Variants in ASIC2 observed in about 807,000 individuals in gnomAD.
ASIC2 encodes the protein acid sensing ion channel subunit 2, also known as acid-sensing ion channel 2.
Under a neutral mutation model 57.3 loss-of-function variants are expected in ASIC2, and 25 were observed. The ratio of observed to expected loss-of-function variants is 0.44; its 90% CI spans 0.32 to 0.61. ASIC2 has a LOEUF of 0.61. Ranked by LOEUF, ASIC2 falls within the 20% of genes least tolerant of loss-of-function variation. The probability of loss-of-function intolerance (pLI) is 0.06; values close to 1 mark genes in which losing one functional copy is unlikely to be tolerated. For missense variants in ASIC2, 641 were observed against 738.1 expected (o/e 0.87, Z 1.52); for synonymous variants, 319 against 307.5 (o/e 1.04, Z -0.39).
chr17:33,282,481 G>GTGTGCTTT (rs1904995815), intron 1 of ASIC2, among the ~76,000 whole-genome samples: 1 of 146,664 alleles, frequency 6.8e-6, no homozygotes, highest in African/African-American at 2.5e-5. Flanking sequence ...GTGTGCTTGT[G>GTGTGCTTT]TGTGTGTGTG....
intron 1 of ASIC2, among the ~76,000 whole-genome samples, chr17:33,799,439 T>TTTCTTTCTTCCTTCC (rs1555562527): frequency 3.4e-5 from 2 of 59,048 alleles, no homozygotes; most frequent in African/African-American, 1.2e-4. Context: ...TCTTTCTTTC[T>TTTCTTTCTTCCTTCC]TTCTTTCTTT....
At chr17:33,557,823 T>G (rs1406567355) in intron 1 of ASIC2, among the ~76,000 whole-genome samples, 1 of 152,150 alleles carries the variant, frequency 6.6e-6, no homozygotes, top group Non-Finnish European at 1.5e-5. Flanking sequence ...TTTGAAAACA[T>G]CTACTTATCT....
intron 1 of ASIC2, among the ~76,000 whole-genome samples, chr17:33,395,838 T>C (rs920038907): frequency 6.6e-6 from 1 of 152,054 alleles, no homozygotes; most frequent in Non-Finnish European, 1.5e-5. Context: ...CTTTGGCACT[T>C]ACCAGTTGAC....
intron 1 of ASIC2, among the ~76,000 whole-genome samples, chr17:33,673,072 G>A (rs750267990): frequency 1.3e-5 from 2 of 152,282 alleles, no homozygotes; most frequent in Non-Finnish European, 2.9e-5. Context: ...AAGTTACTCC[G>A]TTTGAGAGAA....
chr17:33,729,749 G>T (rs76634831), intron 1 of ASIC2, among the ~76,000 whole-genome samples: 2 of 152,146 alleles, frequency 1.3e-5, no homozygotes, highest in African/African-American at 4.8e-5. Flanking sequence ...TGTGTAAAGC[G>T]CCTGGGATAA....
intron 1 of ASIC2, among the ~76,000 whole-genome samples, chr17:33,479,560 G>A (rs1428354303): frequency 1.3e-5 from 2 of 152,192 alleles, no homozygotes; most frequent in Non-Finnish European, 2.9e-5. Context: ...TGGAGGAATT[G>A]CAGGGAACAC....
rs548203324 is a variant in ASIC2, at chr17:33,148,264, C to T, written c.709-36197G>A. On this transcript the variant is annotated intron_variant, in intron 1 of 9. Coordinates refer to ENST00000225823, the MANE Select transcript of ASIC2 (RefSeq NM_183377.2). ...ACATTGACACATACCATATGCTACCCACATAAGCCAGCAGTGATTAAACTC... is the reference window on the plus strand; with the variant it reads ...ACATTGACACATACCATATGCTACCTACATAAGCCAGCAGTGATTAAACTC... Among the ~76,000 whole-genome samples the T allele has an allele frequency of 2.0e-5, 3 of 152,280 alleles. No individual in the cohort carries two copies. In the East Asian group the frequency reaches 5.8e-4, roughly 29 times the overall value.
intron 1 of ASIC2, among the ~76,000 whole-genome samples, chr17:33,143,438 A>G (rs982027984): frequency 3.2e-4 from 49 of 152,230 alleles, no homozygotes; most frequent in African/African-American, 1.2e-3. Flanking sequence ...AGGTACCATG[A>G]GAGTTGCTTT....
intron 1 of ASIC2, among the ~76,000 whole-genome samples, chr17:33,836,737 C>CAGG (rs1913284825): frequency 6.6e-6 from 1 of 152,014 alleles, no homozygotes; most frequent in Admixed American, 6.6e-5. Context: ...CCTGTAATCC[C>CAGG]AGCTACTCAG....
intron 1 of ASIC2, among the ~76,000 whole-genome samples, chr17:33,807,637 T>A (rs1480080865): frequency 6.6e-6 from 1 of 152,106 alleles, no homozygotes; most frequent in Non-Finnish European, 1.5e-5. Context: ...TCTAACTAGG[T>A]TCCCCACTTC....
At chr17:33,708,715 A>G (rs971951370) in intron 1 of ASIC2, among the ~76,000 whole-genome samples, 1 of 151,724 alleles carries the variant, frequency 6.6e-6, no homozygotes, top group Non-Finnish European at 1.5e-5. Flanking sequence ...CAACGTCACC[A>G]CTCTGCACCA....
intron 1 of ASIC2, among the ~76,000 whole-genome samples, chr17:33,519,592 T>A (rs997145106): frequency 6.6e-6 from 1 of 152,036 alleles, no homozygotes; most frequent in African/African-American, 2.4e-5. Context: ...AGCGCACAAG[T>A]GGGTCTCGGC....
chr17:33,246,368 G>C (rs759177562), intron 1 of ASIC2, among the ~76,000 whole-genome samples: 1 of 152,206 alleles, frequency 6.6e-6, no homozygotes. Flanking sequence ...GCTTCCCTAA[G>C]GATGAAACGC....
chr17:33,595,945 C>T (rs1293205631), intron 1 of ASIC2, among the ~76,000 whole-genome samples: 2 of 152,184 alleles, frequency 1.3e-5, no homozygotes, highest in African/African-American at 4.8e-5. Flanking sequence ...ATAGTTCCTC[C>T]CCCTCAGTAG....
intron 1 of ASIC2, among the ~76,000 whole-genome samples, chr17:33,765,404 G>A (rs1032830084): frequency 2.6e-5 from 4 of 152,194 alleles, no homozygotes; most frequent in African/African-American, 9.6e-5. Context: ...CACCGCGCCC[G>A]GCGATGGAGC....
intron 1 of ASIC2, among the ~76,000 whole-genome samples, chr17:34,085,465 T>A (rs1910076450): frequency 6.6e-6 from 1 of 152,242 alleles, no homozygotes; most frequent in Admixed American, 6.5e-5. Context: ...GATTTTTGCA[T>A]CGATGTTCAT....
chr17:33,487,181 A>C (rs1045823793), intron 1 of ASIC2, among the ~76,000 whole-genome samples: 3 of 152,196 alleles, frequency 2.0e-5, no homozygotes, highest in Non-Finnish European at 2.9e-5. Context: ...TTAAAAACTA[A>C]GTACTAGAAC....
intron 1 of ASIC2, among the ~76,000 whole-genome samples, chr17:33,813,568 C>A (rs913406480): frequency 3.9e-5 from 6 of 152,154 alleles, no homozygotes; most frequent in African/African-American, 9.7e-5. Flanking sequence ...TCCTGAGTAG[C>A]TGGGACTACA....
At position 33,837,722 on chromosome 17, in the gene ASIC2, AAAAC is replaced by A. The variant is rs567647227; in HGVS notation, c.555+318252_555+318255del. 4.6e-5 allele frequency among the ~76,000 whole-genome samples: 7 copies of A among 152,258 alleles called. No individual in the cohort carries two copies. In the East Asian group the frequency reaches 1.4e-3, roughly 29 times the overall value. On this transcript the variant is annotated intron_variant, in intron 1 of 9. Transcript: ENST00000359872. ...CAGGGCTTAAATCTGTTAACAACGA[AAAAC>A]AAAAAACAAAACCCCTTTAGTGACT...
Sources: allele counts gnomAD v4.1 joint callset (sites outside exome capture counted in the v4.1 genomes callset), GRCh38; gene constraint gnomAD v4.1.1; transcripts MANE v1.5; gene names NCBI Gene and HGNC (gene_info 2026-07-23, HGNC 2026-07-21).